SCAPER: variants seen among roughly 807,000 people sequenced by gnomAD.
The protein encoded by SCAPER is S-phase cyclin A associated protein in the ER, also known as S phase cyclin A-associated protein in the endoplasmic reticulum.
In SCAPER, 98 loss-of-function variants were observed where a neutral mutation model predicts 182.2. That is an observed-to-expected ratio of 0.54 (90% CI 0.46 to 0.64). The LOEUF (loss-of-function observed/expected upper bound fraction) is 0.64, where lower values mean the gene tolerates loss of function less well. Ranked by LOEUF, SCAPER falls within the 30% of genes least tolerant of loss-of-function variation. SCAPER has a pLI of 0.00. For synonymous variants in SCAPER, 605 were observed against 564.6 expected, an observed-to-expected ratio of 1.07 and a Z score of -1.01; for missense variants, 1,432 against 1,690.0, an observed-to-expected ratio of 0.85 and a Z score of 2.68.
At chr15:76,391,667 C>A (rs2043709612) in intron 27 of SCAPER, among the ~76,000 whole-genome samples, 1 of 152,180 alleles carries the variant, frequency 6.6e-6, no homozygotes, top group African/African-American at 2.4e-5. Context: ...AATGATCGTT[C>A]ACTAGTATTT....
At chr15:76,608,982 G>A (rs1364184895) in intron 22 of SCAPER, among the ~76,000 whole-genome samples, 2 of 152,166 alleles carry the variant, frequency 1.3e-5, no homozygotes, top group African/African-American at 2.4e-5. Context: ...TGGGTGAGGC[G>A]ATGCCTCGCC....
At chr15:76,622,459 A>C (rs1173064152) in intron 21 of SCAPER, among the ~76,000 whole-genome samples, 1 of 152,206 alleles carries the variant, frequency 6.6e-6, no homozygotes, top group Non-Finnish European at 1.5e-5. Flanking sequence ...AAAAATGCAA[A>C]TTACAATAGC....
chr15:76,631,547 GAAGTT>G (rs766846989), intron 21 of SCAPER, among the ~76,000 whole-genome samples: 1 of 152,170 alleles, frequency 6.6e-6, no homozygotes, highest in Admixed American at 6.5e-5. Context: ...CTTCACTAAT[GAAGTT>G]TAGTTTGGCC....
In SCAPER at chr15:76,424,306, ATT is replaced by A. The variant is rs777643437; in HGVS notation, c.3311+9770_3311+9771del. ...GCTTTATGAATCTGGGTGCTCCTGT[ATT>A]GGGTGCATATATGTTTAGGATAGTT... On this transcript the variant is annotated intron_variant, in intron 26 of 31. Coordinates refer to ENST00000563290, the MANE Select transcript of SCAPER (RefSeq NM_020843.4). Among the ~76,000 whole-genome samples the A allele has an allele frequency of 1.8e-3, 276 of 152,266 alleles. 2 individuals are homozygous for A. The highest frequency in any genetic ancestry group is 3.3e-3 in the Non-Finnish European group (223 of 68,020).
intron 23 of SCAPER, among the ~76,000 whole-genome samples, chr15:76,540,151 T>C (rs1332236284): frequency 6.6e-6 from 1 of 152,150 alleles, no homozygotes; most frequent in African/African-American, 2.4e-5. Flanking sequence ...GTTTTTTAAA[T>C]TAAAAAATAA....
chr15:76,607,019 T>A (rs1021996891), intron 22 of SCAPER, among the ~76,000 whole-genome samples: 1 of 152,240 alleles, frequency 6.6e-6, no homozygotes, highest in Non-Finnish European at 1.5e-5. Context: ...CATTTACATC[T>A]AAAGTTAATA....
chr15:76,434,207 A>G lies in SCAPER; in HGVS notation c.3182T>C (p.Leu1061Ser). ...TGLLKVSAVV[L>S]GCLIANRPDG... ...TGGTCGATTGGCAATCAGGCAGCCC[A>G]AAACCACAGCACTGACTTTGAGAAG... The change falls in exon 26 of 32, where the codon TTG becomes TCG. Residue 1061 changes from leucine to serine, a missense_variant. This residue lies in a region of SCAPER where 718 missense variants were observed against 799.7 expected (regional missense o/e 0.90). Transcript: ENST00000563290. 1 of 1,614,022 alleles carries G rather than the reference A, an allele frequency of 6.2e-7. No homozygotes were observed. Among genetic ancestry groups the G allele is most frequent in the African/African-American group, 1.3e-5 (1 of 75,058 alleles).
intron 7 of SCAPER, among the ~76,000 whole-genome samples, chr15:76,798,232 C>G (rs899447108): frequency 6.6e-6 from 1 of 151,824 alleles, no homozygotes; most frequent in African/African-American, 2.4e-5. Flanking sequence ...TGGTGGCATG[C>G]GCCTATAATT....
intron 25 of SCAPER, among the ~76,000 whole-genome samples, chr15:76,470,480 AG>A (rs754859317): frequency 3.3e-5 from 5 of 152,156 alleles, no homozygotes; most frequent in Non-Finnish European, 5.9e-5. Context: ...TTTAAGGAAG[AG>A]TTACTAGAAC....
chr15:76,348,926 G>T (rs1176332316), intron 31 of SCAPER, 190 bp from the exon 32 acceptor site: 1 of 434,636 alleles, frequency 2.3e-6, no homozygotes, highest in Non-Finnish European at 4.2e-6. Flanking sequence ...TAAAATATAT[G>T]ACATATATTT....
chr15:76,451,978 C>A (rs781395438), intron 25 of SCAPER, among the ~76,000 whole-genome samples: 2 of 152,074 alleles, frequency 1.3e-5, no homozygotes, highest in Non-Finnish European at 2.9e-5. Context: ...ACCTGATCCA[C>A]TTCTATTCTC....
chr15:76,488,785 G>C (rs1258827882), intron 24 of SCAPER, among the ~76,000 whole-genome samples: 1 of 140,794 alleles, frequency 7.1e-6, no homozygotes, highest in Admixed American at 7.4e-5. Context: ...GAGTGAAGTG[G>C]TGGGATCTTG....
In SCAPER at chr15:76,899,167, GCTCTCC is replaced by G. The variant is rs145014751; in HGVS notation, c.-60+6126_-60+6131del. On this transcript the variant is annotated intron_variant, in intron 1 of 31. Transcript: ENST00000563290. ...TGGATATGCTCTCCCTCTCCCTCTC[GCTCTCC>G]GTCTCCCTCTTTCTATGGTCTCCCT... Among the ~76,000 whole-genome samples, 1,380 of 152,078 alleles carry G rather than the reference GCTCTCC, an allele frequency of 9.1e-3. 20 individuals are homozygous for G. The highest frequency in any genetic ancestry group is 0.032 in the African/African-American group (1,340 of 41,478).
intron 1 of SCAPER, among the ~76,000 whole-genome samples, chr15:76,902,911 A>C (rs577702403): frequency 6.6e-6 from 1 of 152,212 alleles, no homozygotes; most frequent in South Asian, 2.1e-4. Context: ...ACAAAAAAAA[A>C]TTAGCCAGGC....
chr15:76,847,416 G>C (rs1482847998), intron 4 of SCAPER, among the ~76,000 whole-genome samples: 2 of 151,816 alleles, frequency 1.3e-5, no homozygotes, highest in African/African-American at 4.8e-5. Flanking sequence ...CTAGTACTGG[G>C]GAACACAACA....
At position 76,502,587 on chromosome 15, in the gene SCAPER, G is replaced by C. The variant is rs944488269; in HGVS notation, c.2954+2272C>G. Among the ~76,000 whole-genome samples, 5 of 152,066 alleles carry C rather than the reference G, an allele frequency of 3.3e-5. No homozygotes were observed. In the South Asian group the frequency reaches 8.3e-4, roughly 25 times the overall value. On this transcript the variant is annotated intron_variant, in intron 24 of 31. Coordinates refer to ENST00000563290, the MANE Select transcript of SCAPER (RefSeq NM_020843.4). ...GGGCCTGTCGTGGGGTGGGAGGAGG[G>C]GGGAGGGATAGCATTAGGGGATATA...
chr15:76,779,696 A>C (rs1288942247), intron 8 of SCAPER, among the ~76,000 whole-genome samples: 1 of 123,878 alleles, frequency 8.1e-6, no homozygotes, highest in African/African-American at 3.0e-5. Flanking sequence ...TGCAAAGCTA[A>C]TATTGTTACT....
intron 21 of SCAPER, among the ~76,000 whole-genome samples, chr15:76,629,248 AT>A (rs939394573): frequency 1.3e-5 from 2 of 152,124 alleles, no homozygotes; most frequent in African/African-American, 4.8e-5. Flanking sequence ...AATACACTTT[AT>A]TTTTTTCTCT....
chr15:76,851,015 C>T (rs919727615), intron 4 of SCAPER, among the ~76,000 whole-genome samples: 6 of 151,798 alleles, frequency 4.0e-5, no homozygotes, highest in African/African-American at 1.5e-4. Flanking sequence ...AAGAACCTAA[C>T]AGATCTAACA....
Sources: allele counts gnomAD v4.1 joint callset (sites outside exome capture counted in the v4.1 genomes callset), GRCh38; gene constraint gnomAD v4.1.1; regional missense constraint gnomAD v4.1.1; transcripts MANE v1.5; gene names NCBI Gene and HGNC (gene_info 2026-07-23, HGNC 2026-07-21).